The following FRMD4B variants were observed in gnomAD, a reference collection of about 807,000 sequenced individuals.
FRMD4B encodes the protein FERM domain-containing protein 4B.
Under a neutral mutation model 141.5 loss-of-function variants are expected in FRMD4B, and 74 were observed. The observed-to-expected ratio is 0.52, with a 90% CI of 0.43 to 0.63. The LOEUF (loss-of-function observed/expected upper bound fraction) is 0.63. FRMD4B is among the 30% of genes least tolerant of loss of function. The pLI is 0.00. For synonymous variants in FRMD4B, 506 were observed against 467.9 expected, an observed-to-expected ratio of 1.08 and a Z score of -1.05; for missense variants, 1,366 against 1,253.4, an observed-to-expected ratio of 1.09 and a Z score of -1.36.
intron 1 of FRMD4B, among the ~76,000 whole-genome samples, chr3:69,491,578 A>G (rs1381376142): frequency 2.0e-5 from 3 of 152,234 alleles, no homozygotes; most frequent in African/African-American, 7.2e-5. Flanking sequence ...TGCAAAAAGA[A>G]CAAAAAGAGA....
chr3:69,422,889 G>A (rs944905671), intron 2 of FRMD4B, among the ~76,000 whole-genome samples: 6 of 152,138 alleles, frequency 3.9e-5, no homozygotes, highest in African/African-American at 1.4e-4. Context: ...AGACCCCTAT[G>A]TCCTGAAAGT....
intron 1 of FRMD4B, among the ~76,000 whole-genome samples, chr3:69,504,286 C>A (rs999489336): frequency 6.6e-6 from 1 of 151,954 alleles, no homozygotes; most frequent in African/African-American, 2.4e-5. Flanking sequence ...TTTAAGTAAC[C>A]CCGGGATGAA....
intron 9 of FRMD4B, among the ~76,000 whole-genome samples, chr3:69,221,269 A>C (rs972713851): frequency 6.6e-6 from 1 of 152,068 alleles, no homozygotes; most frequent in African/African-American, 2.4e-5. Context: ...GCCTGTTCTT[A>C]ATAATGGGTG....
intron 1 of FRMD4B, among the ~76,000 whole-genome samples, chr3:69,346,280 A>T (rs1466545313): frequency 6.6e-6 from 1 of 152,154 alleles, no homozygotes; most frequent in Non-Finnish European, 1.5e-5. Flanking sequence ...AAGTTTAGAG[A>T]AAAAAGAGTA....
At chr3:69,326,880 C>T (rs532667032) in intron 1 of FRMD4B, among the ~76,000 whole-genome samples, 1 of 152,310 alleles carries the variant, frequency 6.6e-6, no homozygotes, top group South Asian at 2.1e-4. Flanking sequence ...TGCTGTTCCT[C>T]TCCAGAAAGA....
intron 7 of FRMD4B, among the ~76,000 whole-genome samples, chr3:69,233,599 TA>T (rs2093325900): frequency 6.6e-6 from 1 of 152,166 alleles, no homozygotes. Flanking sequence ...ATGCCATAGT[TA>T]AGTGCCTATT....
intron 1 of FRMD4B, among the ~76,000 whole-genome samples, chr3:69,533,400 C>T (rs1005918203): frequency 2.0e-5 from 3 of 152,150 alleles, no homozygotes; most frequent in African/African-American, 7.2e-5. Context: ...AGTCACTTGC[C>T]CACTCCAAGC....
At chr3:69,434,839 C>T (rs776097276) in intron 1 of FRMD4B, among the ~76,000 whole-genome samples, 8 of 152,072 alleles carry the variant, frequency 5.3e-5, no homozygotes, top group Non-Finnish European at 1.0e-4. Flanking sequence ...AACAAAATAC[C>T]AAAGACTGCA....
At chr3:69,177,073 C>T (rs2092654448) in intron 21 of FRMD4B, among the ~76,000 whole-genome samples, 1 of 152,164 alleles carries the variant, frequency 6.6e-6, no homozygotes, top group South Asian at 2.1e-4. Context: ...TGTGGTGGCT[C>T]ATGCCTGTAA....
intron 1 of FRMD4B, among the ~76,000 whole-genome samples, chr3:69,354,881 G>A (rs1270965577): frequency 6.6e-6 from 1 of 152,206 alleles, no homozygotes; most frequent in Non-Finnish European, 1.5e-5. Context: ...GATGATATCA[G>A]TAGAAAAGGT....
At chr3:69,199,926 A>C (rs1244197573) in intron 11 of FRMD4B, among the ~76,000 whole-genome samples, 1 of 152,200 alleles carries the variant, frequency 6.6e-6, no homozygotes, top group Admixed American at 6.5e-5. Flanking sequence ...TGTCCTGTCA[A>C]CTTGGACTTC....
intron 1 of FRMD4B, among the ~76,000 whole-genome samples, chr3:69,531,162 A>G (rs1171219243): frequency 1.3e-5 from 2 of 152,190 alleles, no homozygotes; most frequent in East Asian, 3.9e-4. Context: ...CAAGATTATA[A>G]TGTATATGAA....
intron 1 of FRMD4B, among the ~76,000 whole-genome samples, chr3:69,364,987 G>T (rs1378836552): frequency 6.6e-6 from 1 of 152,084 alleles, no homozygotes; most frequent in Non-Finnish European, 1.5e-5. Context: ...AGTAAAGGAG[G>T]AAACCACAAT....
intron 8 of FRMD4B, among the ~76,000 whole-genome samples, chr3:69,222,800 A>C (rs935602999): frequency 9.1e-6 from 1 of 110,424 alleles, no homozygotes; most frequent in Non-Finnish European, 2.0e-5. Context: ...TTACTAGAAA[A>C]GGAAACAATA....
chr3:69,453,328 A>T (rs1705529457), intron 1 of FRMD4B, among the ~76,000 whole-genome samples: 1 of 152,192 alleles, frequency 6.6e-6, no homozygotes, highest in Non-Finnish European at 1.5e-5. Context: ...TGCAGGGGTC[A>T]TATTCTTGCA....
In FRMD4B at chr3:69,211,023, G is replaced by GAAAAAAA. The variant is rs541259572; in HGVS notation, c.876+5233_876+5239dup. Among the ~76,000 whole-genome samples the GAAAAAAA allele has an allele frequency of 9.2e-3, 788 of 85,358 alleles. 16 individuals are homozygous for GAAAAAAA. Among genetic ancestry groups the GAAAAAAA allele is most frequent in the African/African-American group, 0.013 (282 of 21,742 alleles). The allele number at this position is 85,358 out of a possible 152,430, so 56.0% of individuals were successfully genotyped here. The stretch of plus-strand genomic sequence containing the variant: ...ACAAGAGTGAGTGAAATGCCATCTC[G>GAAAAAAA]AAAAAAAAAAAAAAAAAGAAAGAAA... On this transcript the variant is annotated intron_variant, in intron 11 of 22. Transcript: ENST00000398540.
chr3:69,397,415 C>T (rs985605015), intron 2 of FRMD4B, among the ~76,000 whole-genome samples: 2 of 151,960 alleles, frequency 1.3e-5, no homozygotes, highest in Admixed American at 6.6e-5. Context: ...GATAGTTGTG[C>T]AACTTTGTGA....
intron 7 of FRMD4B, among the ~76,000 whole-genome samples, chr3:69,245,350 TGTG>T (rs749751718): frequency 6.6e-6 from 1 of 150,424 alleles, no homozygotes; most frequent in Non-Finnish European, 1.5e-5. Flanking sequence ...TGTGTGTGTG[TGTG>T]TTTTTAGACA....
intron 17 of FRMD4B, among the ~76,000 whole-genome samples, chr3:69,191,171 C>A (rs925216865): frequency 6.6e-6 from 1 of 152,204 alleles, no homozygotes; most frequent in Non-Finnish European, 1.5e-5. Flanking sequence ...GTAATCTCAG[C>A]ACTTCGAGAG....
Sources: allele counts gnomAD v4.1 joint callset (sites outside exome capture counted in the v4.1 genomes callset), GRCh38; gene constraint gnomAD v4.1.1; transcripts MANE v1.5; gene names NCBI Gene and HGNC (gene_info 2026-07-23, HGNC 2026-07-21).